The following IQCM variants were observed in gnomAD, a reference collection of about 807,000 sequenced individuals.
IQCM encodes the protein IQ motif containing M.
A neutral mutation model predicts 57.6 loss-of-function variants in IQCM; 45 were observed. The ratio of observed to expected loss-of-function variants is 0.78; its 90% CI spans 0.62 to 1.00. IQCM has a LOEUF of 1.00. Among genes scored for constraint, IQCM ranks in the 50% least tolerant of loss-of-function variants. IQCM has a pLI of 0.00. For missense variants in IQCM, 468 were observed against 511.6 expected (o/e 0.91, Z 0.82); for synonymous variants, 148 against 158.9 (o/e 0.93, Z 0.51).
chr4:149,505,353 A>C (rs1418589293), intron 12 of IQCM, among the ~76,000 whole-genome samples: 1 of 152,206 alleles, frequency 6.6e-6, no homozygotes, highest in Non-Finnish European at 1.5e-5. Flanking sequence ...ATACTTTAAA[A>C]ATGAGAGTTT....
At chr4:149,564,557 AC>A (rs1345800663) in intron 9 of IQCM, among the ~76,000 whole-genome samples, 1 of 152,078 alleles carries the variant, frequency 6.6e-6, no homozygotes, top group Non-Finnish European at 1.5e-5. Flanking sequence ...GGAAAGACAG[AC>A]CCATCCTTAA....
intron 12 of IQCM, among the ~76,000 whole-genome samples, chr4:149,465,124 G>T (rs1289806116): frequency 2.0e-5 from 3 of 152,084 alleles, no homozygotes; most frequent in Non-Finnish European, 4.4e-5. Context: ...GATATGTCAA[G>T]AAAAATGATA....
chr4:149,374,910 C>G (rs1029873409), intron 13 of IQCM, among the ~76,000 whole-genome samples: 1 of 151,480 alleles, frequency 6.6e-6, no homozygotes, highest in Non-Finnish European at 1.5e-5. Flanking sequence ...TCAAGACATG[C>G]GTATAAAAAC....
At chr4:149,549,275 G>A (rs1183954011) in intron 11 of IQCM, among the ~76,000 whole-genome samples, 1 of 152,092 alleles carries the variant, frequency 6.6e-6, no homozygotes, top group East Asian at 1.9e-4. Context: ...CAGCACTTTG[G>A]GAGGCCGAGG....
At chr4:149,720,687 A>C (rs1765372635) in intron 5 of IQCM, among the ~76,000 whole-genome samples, 1 of 152,238 alleles carries the variant, frequency 6.6e-6, no homozygotes, top group Non-Finnish European at 1.5e-5. Context: ...AAAATTCCTG[A>C]CAAGAAATGA....
chr4:149,669,420 G>A (rs932797226), intron 7 of IQCM, among the ~76,000 whole-genome samples: 6 of 152,142 alleles, frequency 3.9e-5, no homozygotes, highest in Non-Finnish European at 8.8e-5. Flanking sequence ...CTCCCGTTCT[G>A]TAGGTTGCCT....
At chr4:149,541,145 T>C (rs2149876781) in intron 12 of IQCM, among the ~76,000 whole-genome samples, 1 of 152,200 alleles carries the variant, frequency 6.6e-6, no homozygotes, top group African/African-American at 2.4e-5. Context: ...AGCTATATAT[T>C]GGTAAAGGAG....
At chr4:149,714,074 A>T (rs1170601959) in intron 5 of IQCM, among the ~76,000 whole-genome samples, 1 of 152,160 alleles carries the variant, frequency 6.6e-6, no homozygotes, top group Non-Finnish European at 1.5e-5. Flanking sequence ...CTACTAAAAT[A>T]GTAGGTGTCA....
chr4:149,679,037 T>A (rs1014974039), intron 7 of IQCM, among the ~76,000 whole-genome samples: 1 of 151,680 alleles, frequency 6.6e-6, no homozygotes, highest in African/African-American at 2.4e-5. Context: ...TGGGTATATA[T>A]CTTTTAAAAA....
rs1745176455 is a variant in IQCM, at chr4:149,518,096, T to C, written c.1228+30359A>G. On this transcript the variant is annotated intron_variant, in intron 12 of 13. Coordinates refer to ENST00000636793, the MANE Select transcript of IQCM (RefSeq NM_001363507.2). ...TGGTGTCACATCTACTAATAACCCA[T>C]TGACCAAGGCAAGCGACATGGCCAA... Among the ~76,000 whole-genome samples, 4 of 152,160 alleles carry C rather than the reference T, an allele frequency of 2.6e-5. No homozygotes were observed. The South Asian group carries it at 8.3e-4, about 32-fold the overall frequency.
intron 9 of IQCM, among the ~76,000 whole-genome samples, chr4:149,576,740 T>C (rs1331978802): frequency 1.3e-5 from 2 of 151,962 alleles, no homozygotes; most frequent in African/African-American, 4.8e-5. Context: ...GAACAATTTA[T>C]ATTCCTTTGG....
chr4:149,782,074 CAAT>C (rs2150010508), intron 2 of IQCM, among the ~76,000 whole-genome samples: 1 of 151,946 alleles, frequency 6.6e-6, no homozygotes, highest in East Asian at 1.9e-4. Context: ...GCTCAAGCAA[CAAT>C]AATAATAATA....
intron 7 of IQCM, among the ~76,000 whole-genome samples, chr4:149,674,274 G>A (rs754141083): frequency 2.7e-4 from 41 of 151,976 alleles, no homozygotes; most frequent in Non-Finnish European, 4.7e-4. Flanking sequence ...TATGATAATT[G>A]GTACAACACT....
chr4:149,708,523 A>C (rs1764327614), intron 5 of IQCM, among the ~76,000 whole-genome samples: 2 of 152,052 alleles, frequency 1.3e-5, no homozygotes, highest in Non-Finnish European at 2.9e-5. Flanking sequence ...ATTATAAACC[A>C]TTATATGTGA....
chr4:149,425,323 G>T (rs1734391359), intron 13 of IQCM, among the ~76,000 whole-genome samples: 2 of 151,936 alleles, frequency 1.3e-5, no homozygotes, highest in Admixed American at 1.3e-4. Context: ...TCATGCCATT[G>T]CAAAGACCAA....
At chr4:149,719,975 C>T (rs1489934028) in intron 5 of IQCM, among the ~76,000 whole-genome samples, 1 of 152,024 alleles carries the variant, frequency 6.6e-6, no homozygotes, top group Non-Finnish European at 1.5e-5. Context: ...AATAGAAAAC[C>T]ATTTCTAGAA....
intron 8 of IQCM, among the ~76,000 whole-genome samples, chr4:149,612,907 C>T (rs1311685259): frequency 1.3e-5 from 2 of 152,032 alleles, no homozygotes; most frequent in East Asian, 3.9e-4. Flanking sequence ...TACTGGAATG[C>T]TATTCAAAAT....
At chr4:149,460,172 T>C (rs1277562769) in intron 12 of IQCM, among the ~76,000 whole-genome samples, 1 of 152,182 alleles carries the variant, frequency 6.6e-6, no homozygotes, top group African/African-American at 2.4e-5. Flanking sequence ...TAATGATTAG[T>C]AAGGTCAAGC....
chr4:149,805,958 G>A, intron 2 of IQCM, among the ~76,000 whole-genome samples: 1 of 151,832 alleles, frequency 6.6e-6, no homozygotes, highest in East Asian at 1.9e-4. Flanking sequence ...AGTGCACAAT[G>A]ACAAGTTACG....
Sources: allele counts gnomAD v4.1 joint callset (sites outside exome capture counted in the v4.1 genomes callset), GRCh38; gene constraint gnomAD v4.1.1; transcripts MANE v1.5; gene names NCBI Gene and HGNC (gene_info 2026-07-23, HGNC 2026-07-21).